Variants in LPGAT1 observed in about 807,000 individuals in gnomAD.
The protein encoded by LPGAT1 is acyl-CoA:lysophosphatidylglycerol acyltransferase 1.
Under a neutral mutation model 47.5 loss-of-function variants are expected in LPGAT1, and 11 were observed. That is an observed-to-expected ratio of 0.23 (90% confidence interval 0.15 to 0.38). The LOEUF is 0.38. LPGAT1 is among the 10% of genes least tolerant of loss of function. The pLI, the probability that LPGAT1 is intolerant of heterozygous loss-of-function variation, is 1.00. For synonymous variants in LPGAT1, 138 were observed against 144.2 expected (o/e 0.96, Z 0.31); for missense variants, 293 against 439.0 (o/e 0.67, Z 2.97).
At chr1:211,765,757 GTTA>G (rs1657882080) in intron 6 of LPGAT1, among the ~76,000 whole-genome samples, 1 of 152,132 alleles carries the variant, frequency 6.6e-6, no homozygotes, top group Non-Finnish European at 1.5e-5. Context: ...AGCTTTGTCT[GTTA>G]TTATTTTAGT....
Position 211,829,268 on chromosome 1 carries a change from C to G in LPGAT1, c.29G>C (p.Trp10Ser), listed in dbSNP as rs1383406006. 1.2e-6 allele frequency: 2 copies of G among 1,614,102 alleles called. No homozygotes were observed. Among genetic ancestry groups the G allele is most frequent in the Non-Finnish European group, 1.7e-6 (2 of 1,180,054 alleles). Residue 10 changes from tryptophan (W) to serine (S), a missense_variant, in exon 2 of 8, where the codon TGG (tryptophan) becomes TCG (serine). Physicochemically the swap from Trp to Ser is radical, Grantham distance 177. Coordinates refer to ENST00000366997, the MANE Select transcript of LPGAT1 (RefSeq NM_014873.3). MAITLEEAP[W>S]LGWLLVKALM... ...TGCTTTCACCAAGAGCCAGCCCAGC[C>G]ACGGAGCTTCTTCCAAAGTTATAGC...
chr1:211,769,971 TG>T (rs1399454897), intron 6 of LPGAT1, among the ~76,000 whole-genome samples: 2 of 152,180 alleles, frequency 1.3e-5, no homozygotes, highest in African/African-American at 4.8e-5. Context: ...GGAGTTGCTC[TG>T]GTTCAAATGC....
chr1:211,766,447 C>T (rs1186139759), intron 6 of LPGAT1, among the ~76,000 whole-genome samples: 1 of 152,218 alleles, frequency 6.6e-6, no homozygotes, highest in Non-Finnish European at 1.5e-5. Flanking sequence ...ACCTAACCTA[C>T]TGAACATCAT....
At chr1:211,791,499 T>G (rs1659107338) in intron 3 of LPGAT1, among the ~76,000 whole-genome samples, 2 of 152,148 alleles carry the variant, frequency 1.3e-5, no homozygotes, top group South Asian at 4.1e-4. Context: ...ATCCCAGTAC[T>G]ATGGGAGGCC....
intron 6 of LPGAT1, among the ~76,000 whole-genome samples, chr1:211,755,243 C>T (rs1657390787): frequency 6.6e-6 from 1 of 151,302 alleles, no homozygotes; most frequent in African/African-American, 2.4e-5. Flanking sequence ...GAGGCTGAGG[C>T]AGGAGAACTG....
chr1:211,762,437 C>T (rs1430397114), intron 6 of LPGAT1, among the ~76,000 whole-genome samples: 1 of 152,154 alleles, frequency 6.6e-6, no homozygotes, highest in Non-Finnish European at 1.5e-5. Flanking sequence ...GCCAGGAGGG[C>T]AGAACAAATG....
rs1656985254 is a variant in LPGAT1, at chr1:211,747,360, T to C, written c.*2539A>G. The stretch of plus-strand genomic sequence containing the variant: ...CATCTATTTACAACTCACGGAGATA[T>C]TTAAAAAAATTAACTCACATATCTA... On this transcript the variant is annotated 3_prime_UTR_variant, in exon 8 of 8. Transcript: ENST00000366997. The C allele has an allele frequency of 6.6e-6, 1 of 152,198 alleles. No individual in the cohort carries two copies. The highest frequency in any genetic ancestry group is 2.4e-5 in the African/African-American group (1 of 41,438). 9.4% of individuals were successfully genotyped at this position (152,198 alleles called of 1,614,324 possible).
intron 4 of LPGAT1, 114 bp downstream of exon 4, chr1:211,787,518 A>C: frequency 3.8e-6 from 2 of 530,896 alleles, no homozygotes; most frequent in Non-Finnish European, 6.7e-6. Flanking sequence ...AAGCTCCCTA[A>C]GACTGGTTAG....
At chr1:211,758,184 C>A (rs1312204344) in intron 6 of LPGAT1, among the ~76,000 whole-genome samples, 1 of 152,140 alleles carries the variant, frequency 6.6e-6, no homozygotes, top group African/African-American at 2.4e-5. Flanking sequence ...TTCCTAACTT[C>A]TTTTCTAAGA....
chr1:211,828,209 A>G (rs1455974619), intron 2 of LPGAT1, among the ~76,000 whole-genome samples: 1 of 152,220 alleles, frequency 6.6e-6, no homozygotes, highest in African/African-American at 2.4e-5. Flanking sequence ...CTGTGCTAAA[A>G]GCCTCCACAT....
chr1:211,769,546 TAAAG>T (rs1658077287), intron 6 of LPGAT1, among the ~76,000 whole-genome samples: 1 of 152,128 alleles, frequency 6.6e-6, no homozygotes. Flanking sequence ...AGCAAATCTA[TAAAG>T]AAAGTAGAGG....
chr1:211,830,667 G>A lies in LPGAT1; in HGVS notation c.-122C>T. 2 of 1,198,898 alleles carry A rather than the reference G, an allele frequency of 1.7e-6. No individual in the cohort carries two copies. The highest frequency in any genetic ancestry group is 1.0e-6 in the Non-Finnish European group (1 of 966,776). 74.3% of individuals were successfully genotyped at this position (1,198,898 alleles called of 1,614,324 possible). On this transcript the variant is annotated 5_prime_UTR_variant, in exon 1 of 8. Coordinates refer to ENST00000366997, the MANE Select transcript of LPGAT1 (RefSeq NM_014873.3). This position sits in a 1 kb window ranked among gnomAD's most constrained non-coding sequence, Gnocchi z 5.9. The stretch of plus-strand genomic sequence containing the variant: ...GGGGCCGGCGGAAGAAGGCGGTGGC[G>A]GGGCCCTGCCCCGCTCCGGCTGTGG...
chr1:211,823,349 C>T (rs910602509), intron 2 of LPGAT1, among the ~76,000 whole-genome samples: 2 of 152,180 alleles, frequency 1.3e-5, no homozygotes, highest in South Asian at 2.1e-4. Context: ...CACAAATATA[C>T]ATATTCCATC....
chr1:211,758,917 A>G (rs944445305), intron 6 of LPGAT1, among the ~76,000 whole-genome samples: 6 of 152,230 alleles, frequency 3.9e-5, no homozygotes, highest in African/African-American at 1.4e-4. Context: ...TTTATCATCA[A>G]TGAGTTGCAT....
At chr1:211,800,053 G>A (rs1053918432) in intron 2 of LPGAT1, among the ~76,000 whole-genome samples, 1 of 125,088 alleles carries the variant, frequency 8.0e-6, no homozygotes. Flanking sequence ...TATTATTATT[G>A]AGACAGAGTC....
intron 7 of LPGAT1, among the ~76,000 whole-genome samples, chr1:211,750,282 T>C (rs1657121123): frequency 6.6e-6 from 1 of 152,232 alleles, no homozygotes; most frequent in Non-Finnish European, 1.5e-5. Context: ...CTCCACTTAA[T>C]GAATAGCTGG....
chr1:211,754,308 C>T (rs1172240592), intron 6 of LPGAT1, among the ~76,000 whole-genome samples: 3 of 152,200 alleles, frequency 2.0e-5, no homozygotes, highest in South Asian at 2.1e-4. Flanking sequence ...GGTGCTGATG[C>T]TGCCAGACTT....
At chr1:211,802,227 T>C (rs1163644306) in intron 2 of LPGAT1, among the ~76,000 whole-genome samples, 2 of 151,978 alleles carry the variant, frequency 1.3e-5, no homozygotes, top group Non-Finnish European at 2.9e-5. Flanking sequence ...AAATAAAATG[T>C]GTATGCTTTT....
At chr1:211,802,678 C>T (rs779850635) in intron 2 of LPGAT1, among the ~76,000 whole-genome samples, 5 of 151,830 alleles carry the variant, frequency 3.3e-5, no homozygotes, top group African/African-American at 4.8e-5. Flanking sequence ...TCCACAAAAT[C>T]CAGCCTTCAA....
Sources: allele counts gnomAD v4.1 joint callset (sites outside exome capture counted in the v4.1 genomes callset), GRCh38; gene constraint gnomAD v4.1.1; non-coding constraint Gnocchi (gnomAD v3.1); transcripts MANE v1.5; gene names NCBI Gene and HGNC (gene_info 2026-07-23, HGNC 2026-07-21).